The following LRRK2 variants were observed in gnomAD, a reference collection of about 807,000 sequenced individuals.
LRRK2 encodes leucine-rich repeat serine/threonine-protein kinase 2.
LRRK2 carries 203 observed loss-of-function variants against 302.6 expected under a neutral mutation model. The ratio of observed to expected loss-of-function variants is 0.67; its 90% CI spans 0.60 to 0.75. The LOEUF (loss-of-function observed/expected upper bound fraction) is 0.75. Among genes scored for constraint, LRRK2 ranks in the 30% least tolerant of loss-of-function variants. LRRK2 has a pLI of 0.00. For missense variants in LRRK2, 2,830 were observed against 2,951.0 expected (o/e 0.96, Z 0.95); for synonymous variants, 1,066 against 1,031.9 (o/e 1.03, Z -0.63).
At chr12:40,358,011 T>A (rs1300592773) in intron 46 of LRRK2, among the ~76,000 whole-genome samples, 1 of 152,088 alleles carries the variant, frequency 6.6e-6, no homozygotes, top group African/African-American at 2.4e-5. Context: ...CAAGCAATCC[T>A]CCTGCCTCAT....
At chr12:40,290,246 A>C (rs1253178684) in intron 20 of LRRK2, among the ~76,000 whole-genome samples, 2 of 152,036 alleles carry the variant, frequency 1.3e-5, no homozygotes, top group African/African-American at 4.8e-5. Flanking sequence ...ATGTTAAACC[A>C]ACTTGCATTC....
intron 18 of LRRK2, among the ~76,000 whole-genome samples, chr12:40,280,425 A>C (rs1183207192): frequency 2.0e-5 from 3 of 151,640 alleles, no homozygotes; most frequent in African/African-American, 4.8e-5. Context: ...GGAGTTCAAG[A>C]CCAGCCTGGG....
At chr12:40,231,890 G>A (rs919199229) in intron 2 of LRRK2, among the ~76,000 whole-genome samples, 1 of 151,132 alleles carries the variant, frequency 6.6e-6, no homozygotes. Context: ...TGCACCCTCT[G>A]CCTCCTGGGT....
chr12:40,257,167 CTA>C, intron 11 of LRRK2, 79 bp from the exon 12 acceptor site: 1 of 1,012,592 alleles, frequency 9.9e-7, no homozygotes, highest in Non-Finnish European at 1.5e-6. Context: ...TAAATTTGGA[CTA>C]TATTAATATT....
Position 40,322,144 on chromosome 12 carries a change from G to A in LRRK2, c.5280G>A (p.Glu1760=). The A allele has an allele frequency of 6.2e-7, 1 of 1,612,610 alleles. No individual in the cohort carries two copies. Among genetic ancestry groups the A allele is most frequent in the African/African-American group, 1.3e-5 (1 of 74,870 alleles). The stretch of plus-strand genomic sequence containing the variant: ...CTGAAGTCTTAGACAATCATCCAGA[G>A]AGTTTCTTAAAAATTACAGTTCCTT... ...VGSEVLDNHP[E]SFLKITVPSC... is the part of the protein sequence containing the mutation. Residue 1760 remains glutamate (E), a synonymous_variant, in exon 36 of 51, where the codon GAG becomes GAA. Transcript: ENST00000298910.
intron 39 of LRRK2, 151 bp downstream of exon 39, chr12:40,328,611 G>T: frequency 4.7e-6 from 3 of 631,980 alleles, no homozygotes; most frequent in Admixed American, 3.0e-5. Flanking sequence ...TCGTTGTGGA[G>T]TAGAAAGTTT....
At chr12:40,329,785 G>C (rs1945661136) in intron 39 of LRRK2, among the ~76,000 whole-genome samples, 1 of 152,086 alleles carries the variant, frequency 6.6e-6, no homozygotes, top group Non-Finnish European at 1.5e-5. Flanking sequence ...GGTTGACCAG[G>C]CTGGTCTGGA....
intron 23 of LRRK2, among the ~76,000 whole-genome samples, chr12:40,296,947 C>T (rs750426549): frequency 2.0e-5 from 3 of 152,108 alleles, no homozygotes; most frequent in African/African-American, 4.8e-5. Context: ...TTTCCTTCTA[C>T]CCTCCAGCCA....
At position 40,328,349 on chromosome 12, in the gene LRRK2, C is replaced by A; in HGVS notation, c.5657-11C>A. 6.2e-7 allele frequency: 1 copy of A among 1,610,298 alleles called. No individual in the cohort carries two copies. The highest frequency in any genetic ancestry group is 8.5e-7 in the Non-Finnish European group (1 of 1,176,750). ...GCTTAATTTAAGTGCTTTGTATTTT[C>A]TTTTCAAAAGGTGATGGCAGTTTTG... On this transcript the variant is annotated splice_polypyrimidine_tract_variant and intron_variant, in intron 38 of 50. Coordinates refer to ENST00000298910, the MANE Select transcript of LRRK2 (RefSeq NM_198578.4).
chr12:40,235,262 G>C (rs1332879179), intron 3 of LRRK2, among the ~76,000 whole-genome samples: 1 of 152,112 alleles, frequency 6.6e-6, no homozygotes, highest in Non-Finnish European at 1.5e-5. Flanking sequence ...CTTGAACCCA[G>C]AAGTTTAGAC....
chr12:40,336,465 T>C (rs1945874495), intron 40 of LRRK2, among the ~76,000 whole-genome samples: 1 of 152,186 alleles, frequency 6.6e-6, no homozygotes, highest in Admixed American at 6.5e-5. Context: ...TCGTCTTGTT[T>C]GCCATTGTAT....
intron 33 of LRRK2, chr12:40,316,405 T>C (rs1945222967): frequency 1.1e-5 from 10 of 903,672 alleles, no homozygotes; most frequent in Non-Finnish European, 1.3e-5. Flanking sequence ...ACTATTTTGG[T>C]AGGTATTTTT....
Position 40,263,188 on chromosome 12 carries a change from T to C in LRRK2, c.1544-601T>C, listed in dbSNP as rs565053066. On this transcript the variant is annotated intron_variant, in intron 13 of 50. Coordinates refer to ENST00000298910, the MANE Select transcript of LRRK2 (RefSeq NM_198578.4). ...ATAATAATTTTAATTATATGTTACA[T>C]TACCACATTTTTGACTTGTAGTGTT... Among the ~76,000 whole-genome samples, 4 of 152,336 alleles carry C rather than the reference T, an allele frequency of 2.6e-5. No homozygotes were observed. The East Asian group carries it at 7.7e-4, about 29-fold the overall frequency.
At chr12:40,248,019 T>C (rs1352611810) in intron 7 of LRRK2, among the ~76,000 whole-genome samples, 1 of 152,012 alleles carries the variant, frequency 6.6e-6, no homozygotes, top group Non-Finnish European at 1.5e-5. Flanking sequence ...ATGGTATCCA[T>C]TTACTAGTTT....
At chr12:40,336,165 C>T (rs531583927) in intron 40 of LRRK2, among the ~76,000 whole-genome samples, 1 of 152,242 alleles carries the variant, frequency 6.6e-6, no homozygotes, top group Admixed American at 6.5e-5. Context: ...TCAGCCACTC[C>T]CATCCCTGAG....
In LRRK2 at chr12:40,238,157, C is replaced by T. The variant is rs541532828; in HGVS notation, c.571+54C>T. 53 of 1,539,842 alleles carry T rather than the reference C, an allele frequency of 3.4e-5. No individual in the cohort carries two copies. In the African/African-American group the frequency reaches 5.8e-4, roughly 17 times the overall value. On this transcript the variant is annotated intron_variant, in intron 5 of 50. Coordinates refer to ENST00000298910, the MANE Select transcript of LRRK2 (RefSeq NM_198578.4). The stretch of plus-strand genomic sequence containing the variant: ...TATATATAAGAAAAAAAGGCTTATA[C>T]TGGGAAAAGTAGAACACAGTTATAA...
chr12:40,295,597 G>C lies in LRRK2; in HGVS notation c.3049G>C (p.Glu1017Gln). 6.2e-7 allele frequency: 1 copy of C among 1,613,984 alleles called. No homozygotes were observed. Among genetic ancestry groups the C allele is most frequent in the Non-Finnish European group, 8.5e-7 (1 of 1,179,956 alleles). The change falls in exon 23 of 51, where the codon GAG becomes CAG. Residue 1017 changes from glutamate to glutamine, a missense_variant. Physicochemically the swap from Glu to Gln is conservative, Grantham distance 29 (BLOSUM62 2). Around this residue, in one of 3 missense-constraint regions of LRRK2, gnomAD observed 2,121 missense variants for 2,148.0 expected, o/e 0.99. Coordinates refer to ENST00000298910, the MANE Select transcript of LRRK2 (RefSeq NM_198578.4). The part of the protein sequence containing the change: ...SVHLEHLEKL[E>Q]LHQNALTSFP... ...TCATTTGGAGCATCTTGAAAAGCTGGAGCTTCACCAGAATGCACTCACGAG... is the reference window on the plus strand; with the variant it reads ...TCATTTGGAGCATCTTGAAAAGCTGCAGCTTCACCAGAATGCACTCACGAG...
intron 46 of LRRK2, among the ~76,000 whole-genome samples, chr12:40,358,236 A>G (rs1311055888): frequency 6.6e-6 from 1 of 151,882 alleles, no homozygotes; most frequent in African/African-American, 2.4e-5. Context: ...TTAGTTTATT[A>G]TAGTCCCATT....
chr12:40,362,506 C>T (rs1946744055), intron 47 of LRRK2, among the ~76,000 whole-genome samples: 1 of 151,942 alleles, frequency 6.6e-6, no homozygotes, highest in Non-Finnish European at 1.5e-5. Flanking sequence ...GTAGAAAATA[C>T]ATTGTCCTCA....
Sources: gnomAD v4.1 joint callset for allele counts (sites outside exome capture counted in the v4.1 genomes callset) on GRCh38, gnomAD v4.1.1 for gene constraint, gnomAD v4.1.1 regional missense constraint, MANE v1.5 for transcripts, NCBI Gene and HGNC (gene_info 2026-07-23, HGNC 2026-07-21) for gene names.